Variants in RASGRF2 observed in about 807,000 individuals in gnomAD.
The protein encoded by RASGRF2 is ras-specific guanine nucleotide-releasing factor 2.
RASGRF2 carries 76 observed loss-of-function variants against 151.0 expected under a neutral mutation model. The observed-to-expected ratio is 0.50, with a 90% confidence interval of 0.42 to 0.61. RASGRF2 has a LOEUF of 0.61. RASGRF2 is among the 20% of genes least tolerant of loss of function. RASGRF2 has a pLI of 0.00. For missense variants in RASGRF2, 1,148 were observed against 1,564.6 expected, an observed-to-expected ratio of 0.73 and a Z score of 4.49; for synonymous variants, 504 against 566.5, an observed-to-expected ratio of 0.89 and a Z score of 1.57.
intron 1 of RASGRF2, among the ~76,000 whole-genome samples, chr5:80,970,199 C>G (rs748064644): frequency 2.6e-5 from 4 of 152,156 alleles, no homozygotes; most frequent in Non-Finnish European, 5.9e-5. Context: ...TTCTGAGACC[C>G]AACAGCTGGT....
intron 1 of RASGRF2, among the ~76,000 whole-genome samples, chr5:80,967,155 G>C (rs1327294521): frequency 2.0e-5 from 3 of 152,164 alleles, no homozygotes; most frequent in African/African-American, 7.2e-5. Context: ...TTGGGAGGTC[G>C]AGGCAGGTGG....
intron 1 of RASGRF2, among the ~76,000 whole-genome samples, chr5:80,963,259 TG>T (rs1460625216): frequency 6.6e-6 from 1 of 152,188 alleles, no homozygotes; most frequent in Non-Finnish European, 1.5e-5. Flanking sequence ...TGTGAGGAGA[TG>T]AGCACATCCC....
chr5:81,092,278 A>T (rs1752411342), intron 9 of RASGRF2, among the ~76,000 whole-genome samples: 1 of 151,090 alleles, frequency 6.6e-6, no homozygotes, highest in Non-Finnish European at 1.5e-5. Flanking sequence ...GCTAAATTTC[A>T]CTGAATTATA....
At chr5:81,023,466 G>A (rs1344899614) in intron 1 of RASGRF2, among the ~76,000 whole-genome samples, 1 of 152,186 alleles carries the variant, frequency 6.6e-6, no homozygotes, top group Non-Finnish European at 1.5e-5. Flanking sequence ...AGACAGATCT[G>A]TGATGCACTG....
chr5:81,215,883 C>T lies in RASGRF2; in HGVS notation c.3362C>T (p.Ala1121Val), dbSNP rs764553804. The change falls in exon 24 of 27, where the codon GCT (alanine) becomes GTT (valine). Residue 1121 changes from alanine (A) to valine (V), a missense_variant. This residue lies in a region of RASGRF2 where 100 missense variants were observed against 148.2 expected (regional missense o/e 0.67). Transcript: ENST00000265080. ...TTTTTCTTTTCTTTTTAGACAAAAG[C>T]TCTAATGGACAAACTTCAAAAGACT... ...TWAKVSKQTK[A>V]LMDKLQKTVS... 2 of 1,540,782 alleles carry T rather than the reference C, an allele frequency of 1.3e-6. No homozygotes were observed. The highest frequency in any genetic ancestry group is 1.7e-6 in the Non-Finnish European group (2 of 1,153,768).
chr5:81,113,571 C>T lies in RASGRF2; in HGVS notation c.2121C>T (p.Asn707=), dbSNP rs189697457. Residue 707 remains asparagine, a synonymous_variant, in exon 15 of 27, where the codon AAC becomes AAT. Transcript: ENST00000265080. ...SLELFFATSQ[N]NRGEHLVDGK... Reference sequence around the variant, plus strand: ...AATTGTTTTTTGCTACCAGCCAGAACAACAGAGGTGAACATTTGGTGGATG... The same window carrying T: ...AATTGTTTTTTGCTACCAGCCAGAATAACAGAGGTGAACATTTGGTGGATG... The T allele has an allele frequency of 6.2e-7, 1 of 1,610,948 alleles. No individual in the cohort carries two copies. Among genetic ancestry groups the T allele is most frequent in the East Asian group, 2.2e-5 (1 of 44,880 alleles).
intron 9 of RASGRF2, among the ~76,000 whole-genome samples, chr5:81,090,360 G>C (rs903724769): frequency 3.3e-5 from 5 of 152,172 alleles, no homozygotes; most frequent in Non-Finnish European, 7.3e-5. Flanking sequence ...CGATGACCAG[G>C]ATGCAAAGAA....
chr5:81,212,725 A>C (rs368826916), intron 23 of RASGRF2, among the ~76,000 whole-genome samples, 162 bp downstream of exon 23: 3 of 152,314 alleles, frequency 2.0e-5, no homozygotes, highest in South Asian at 2.1e-4. Flanking sequence ...CTTACCACTT[A>C]ATTGATTTCA....
rs1747507406 is a variant in RASGRF2 at position 80,960,504 on chromosome 5, C to A, written c.-235C>A. Among the ~76,000 whole-genome samples, 1 of 150,078 alleles carries A rather than the reference C, an allele frequency of 6.7e-6. No individual in the cohort carries two copies. The highest frequency in any genetic ancestry group is 2.1e-4 in the South Asian group (1 of 4,712). ...GGCTTGGGGGGCTCCGGGGGCTCGG[C>A]CGGGAGGGTGGTGGTTAGGGCGGAG... On this transcript the variant is annotated 5_prime_UTR_variant, in exon 1 of 27. Coordinates refer to ENST00000265080, the MANE Select transcript of RASGRF2 (RefSeq NM_006909.3). The surrounding 1 kb of genome is among the most constrained non-coding windows in gnomAD (Gnocchi z 5.5).
intron 15 of RASGRF2, among the ~76,000 whole-genome samples, chr5:81,115,591 T>C (rs1256331166): frequency 6.6e-6 from 1 of 152,180 alleles, no homozygotes; most frequent in Non-Finnish European, 1.5e-5. Context: ...AAGTCGGGAT[T>C]CTCTCTTTCT....
chr5:80,970,486 G>A (rs1443919028), intron 1 of RASGRF2, among the ~76,000 whole-genome samples: 4 of 152,086 alleles, frequency 2.6e-5, no homozygotes, highest in African/African-American at 9.7e-5. Flanking sequence ...ATTGCTGCTG[G>A]CCAACCTTTC....
intron 1 of RASGRF2, among the ~76,000 whole-genome samples, chr5:81,002,700 G>A (rs1162811651): frequency 2.0e-5 from 3 of 152,080 alleles, no homozygotes; most frequent in African/African-American, 7.2e-5. Flanking sequence ...CTGTCGTGCC[G>A]ATCTGGAAAT....
chr5:81,048,471 G>A (rs917953316), intron 2 of RASGRF2, among the ~76,000 whole-genome samples: 1 of 152,068 alleles, frequency 6.6e-6, no homozygotes, highest in African/African-American at 2.4e-5. Flanking sequence ...TTTTCTATAG[G>A]GAAAAGTCGG....
chr5:81,019,525 A>G (rs530368), intron 1 of RASGRF2: 56,684 of 152,080 alleles, frequency 0.37, 10,751 homozygotes, highest in Middle Eastern at 0.53. Flanking sequence ...GGCTGCACAG[A>G]GAGGGCTGGA....
At chr5:80,996,427 GAA>G (rs931916689) in intron 1 of RASGRF2, among the ~76,000 whole-genome samples, 43 of 149,950 alleles carry the variant, frequency 2.9e-4, no homozygotes, top group African/African-American at 1.0e-3. Context: ...ACATAACAAA[GAA>G]AATTCAGAAG....
chr5:81,042,292 C>T (rs1053257180), intron 1 of RASGRF2, among the ~76,000 whole-genome samples: 2 of 152,126 alleles, frequency 1.3e-5, no homozygotes, highest in Non-Finnish European at 2.9e-5. Flanking sequence ...TTTCCTTTCC[C>T]GTGTCAAGTA....
At chr5:80,994,401 C>CA (rs1748763996) in intron 1 of RASGRF2, among the ~76,000 whole-genome samples, 1 of 149,196 alleles carries the variant, frequency 6.7e-6, no homozygotes, top group South Asian at 2.1e-4. Flanking sequence ...TAGGTCAAAG[C>CA]AACGATCGAA....
intron 18 of RASGRF2, among the ~76,000 whole-genome samples, chr5:81,182,246 T>C (rs1561248874): frequency 6.6e-6 from 1 of 152,228 alleles, no homozygotes; most frequent in East Asian, 1.9e-4. Flanking sequence ...GACCTCACCA[T>C]TGGGTAAAAT....
At chr5:81,196,896 G>T (rs943849898) in intron 18 of RASGRF2, among the ~76,000 whole-genome samples, 11 of 152,204 alleles carry the variant, frequency 7.2e-5, no homozygotes, top group Admixed American at 6.5e-5. Flanking sequence ...ATGAAAGTGA[G>T]AGCATTAACC....
Sources: allele counts gnomAD v4.1 joint callset (sites outside exome capture counted in the v4.1 genomes callset), GRCh38; gene constraint gnomAD v4.1.1; regional missense constraint gnomAD v4.1.1; non-coding constraint Gnocchi (gnomAD v3.1); transcripts MANE v1.5; gene names NCBI Gene and HGNC (gene_info 2026-07-23, HGNC 2026-07-21).